ADGRB3: variants seen among roughly 807,000 people sequenced by gnomAD.
ADGRB3 encodes the protein adhesion G protein-coupled receptor B3.
A neutral mutation model predicts 193.4 loss-of-function variants in ADGRB3; 37 were observed. The observed-to-expected ratio is 0.19, with a 90% CI of 0.15 to 0.25. ADGRB3 has a LOEUF of 0.25. Ranked by LOEUF, ADGRB3 falls within the 10% of genes least tolerant of loss-of-function variation. The pLI, the probability that ADGRB3 is intolerant of heterozygous loss-of-function variation, is 1.00. For synonymous variants in ADGRB3, 690 were observed against 644.2 expected (o/e 1.07, Z -1.08); for missense variants, 1,637 against 1,852.9 (o/e 0.88, Z 2.14).
intron 20 of ADGRB3, among the ~76,000 whole-genome samples, chr6:69,310,179 CTCTTT>C (rs1263445373): frequency 6.6e-6 from 1 of 151,750 alleles, no homozygotes; most frequent in Non-Finnish European, 1.5e-5. Context: ...GATTTTGCTT[CTCTTT>C]TCTTGTTGGC....
At position 69,388,815 on chromosome 6, in the gene ADGRB3, T is replaced by G; in HGVS notation, c.4493T>G (p.Leu1498Arg). Residue 1498 changes from leucine (L) to arginine (R), a missense_variant, in exon 32 of 32, where the codon CTG becomes CGG. Around this residue, in one of 7 missense-constraint regions of ADGRB3, gnomAD observed 368 missense variants for 367.4 expected, o/e 1.00. Transcript: ENST00000370598. ...ACAGAGGCAAAGGATGCTTTGGAACTGAGGCCAGCAGAGTGGGAGAAGTGT... is the reference window on the plus strand; with the variant it reads ...ACAGAGGCAAAGGATGCTTTGGAACGGAGGCCAGCAGAGTGGGAGAAGTGT... ...LDTEAKDALE[L>R]RPAEWEKCLN... 6.2e-7 allele frequency: 1 copy of G among 1,613,538 alleles called. No individual in the cohort carries two copies. Among genetic ancestry groups the G allele is most frequent in the Non-Finnish European group, 8.5e-7 (1 of 1,179,654 alleles).
At chr6:68,771,342 C>G (rs190730966) in intron 3 of ADGRB3, among the ~76,000 whole-genome samples, 1 of 151,326 alleles carries the variant, frequency 6.6e-6, no homozygotes, top group Admixed American at 6.6e-5. Flanking sequence ...TATCAAACAT[C>G]TATAAAGTGT....
chr6:68,805,221 G>C (rs566469761), intron 3 of ADGRB3, among the ~76,000 whole-genome samples: 5 of 152,180 alleles, frequency 3.3e-5, no homozygotes, highest in Non-Finnish European at 7.3e-5. Flanking sequence ...GATTACAGGT[G>C]TGAGCCACTG....
chr6:69,250,887 A>G (rs1687925739), intron 20 of ADGRB3, among the ~76,000 whole-genome samples: 1 of 152,206 alleles, frequency 6.6e-6, no homozygotes, highest in South Asian at 2.1e-4. Flanking sequence ...TGAAGCTTCT[A>G]TTATTACACT....
At chr6:69,334,200 C>T (rs1768793265) in intron 24 of ADGRB3, among the ~76,000 whole-genome samples, 1 of 151,782 alleles carries the variant, frequency 6.6e-6, no homozygotes, top group African/African-American at 2.4e-5. Flanking sequence ...ACTGTAACCT[C>T]ATTCAAAACT....
At chr6:68,938,714 A>T (rs146742687) in intron 5 of ADGRB3, among the ~76,000 whole-genome samples, 7 of 152,286 alleles carry the variant, frequency 4.6e-5, no homozygotes, top group Non-Finnish European at 1.0e-4. Context: ...ACAAGGGTAG[A>T]TACTTATTTT....
At chr6:68,777,406 A>C (rs554296072) in intron 3 of ADGRB3, among the ~76,000 whole-genome samples, 1 of 152,150 alleles carries the variant, frequency 6.6e-6, no homozygotes, top group Non-Finnish European at 1.5e-5. Context: ...TTGGCAAATT[A>C]TTTTTCCTGC....
At chr6:68,639,954 G>T (rs1340312174) in intron 3 of ADGRB3, among the ~76,000 whole-genome samples, 3 of 152,150 alleles carry the variant, frequency 2.0e-5, no homozygotes. Context: ...TAGTTTGCCT[G>T]TTTGGACCAA....
At chr6:69,233,075 A>G (rs1766182660) in intron 17 of ADGRB3, 3 of 625,452 alleles carry the variant, frequency 4.8e-6, no homozygotes, top group African/African-American at 3.7e-5. Flanking sequence ...AGCTCTCTGC[A>G]CGCCGCACCG....
At chr6:69,100,738 C>A (rs1366462420) in intron 17 of ADGRB3, among the ~76,000 whole-genome samples, 1 of 148,702 alleles carries the variant, frequency 6.7e-6, no homozygotes, top group Non-Finnish European at 1.5e-5. Context: ...AATTTTTACC[C>A]TTTAAAGCCT....
intron 20 of ADGRB3, among the ~76,000 whole-genome samples, chr6:69,252,121 T>C (rs1766637294): frequency 6.6e-6 from 1 of 152,176 alleles, no homozygotes; most frequent in African/African-American, 2.4e-5. Flanking sequence ...ATTCATTTTT[T>C]CTGTTTCAGG....
At chr6:68,982,552 C>T (rs1163403546) in intron 10 of ADGRB3, among the ~76,000 whole-genome samples, 1 of 152,180 alleles carries the variant, frequency 6.6e-6, no homozygotes, top group Non-Finnish European at 1.5e-5. Context: ...TAGCTTTCTG[C>T]CCAAGCAACT....
intron 29 of ADGRB3, among the ~76,000 whole-genome samples, chr6:69,363,614 A>G (rs1434567638): frequency 1.3e-5 from 2 of 152,070 alleles, no homozygotes; most frequent in Non-Finnish European, 1.5e-5. Flanking sequence ...AGAGACAGTA[A>G]TGAGCCTGAA....
chr6:68,974,735 A>G (rs1255020365), intron 8 of ADGRB3, 28 bp from the exon 9 acceptor site: 5 of 1,605,096 alleles, frequency 3.1e-6, no homozygotes, highest in Non-Finnish European at 4.3e-6. Flanking sequence ...CACTACTGAC[A>G]TTCAAGTCCC....
At chr6:69,236,154 G>A (rs1337849877) in intron 19 of ADGRB3, among the ~76,000 whole-genome samples, 14 of 151,842 alleles carry the variant, frequency 9.2e-5, no homozygotes, top group Admixed American at 9.2e-4. Flanking sequence ...GTTCTTTTAA[G>A]AAAATGTATT....
intron 26 of ADGRB3, among the ~76,000 whole-genome samples, chr6:69,346,514 TAAAC>T (rs1769091912): frequency 6.6e-6 from 1 of 151,806 alleles, no homozygotes; most frequent in Non-Finnish European, 1.5e-5. Context: ...TTACAAGAAA[TAAAC>T]AACTCTATCA....
intron 24 of ADGRB3, among the ~76,000 whole-genome samples, chr6:69,333,742 C>A (rs1451222627): frequency 1.3e-5 from 2 of 150,362 alleles, no homozygotes; most frequent in African/African-American, 4.9e-5. Context: ...GAGATCGAGA[C>A]CACAGTGAAA....
At chr6:68,982,057 T>C (rs558918399) in intron 10 of ADGRB3, among the ~76,000 whole-genome samples, 29 of 152,046 alleles carry the variant, frequency 1.9e-4, no homozygotes, top group African/African-American at 7.0e-4. Context: ...GGCTAATTTT[T>C]GTATTTTCAG....
At chr6:69,279,168 C>A (rs1164323101) in intron 20 of ADGRB3, among the ~76,000 whole-genome samples, 1 of 140,322 alleles carries the variant, frequency 7.1e-6, no homozygotes, top group African/African-American at 2.6e-5. Flanking sequence ...ACATTGTAAG[C>A]TGAAAAGATC....
Sources: gnomAD v4.1 joint callset for allele counts (sites outside exome capture counted in the v4.1 genomes callset) on GRCh38, gnomAD v4.1.1 for gene constraint, gnomAD v4.1.1 regional missense constraint, MANE v1.5 for transcripts, NCBI Gene and HGNC (gene_info 2026-07-23, HGNC 2026-07-21) for gene names.